GALNT10: variants seen among roughly 807,000 people sequenced by gnomAD.
GALNT10 encodes polypeptide N-acetylgalactosaminyltransferase 10.
A neutral mutation model predicts 75.0 loss-of-function variants in GALNT10; 41 were observed. That is an observed-to-expected ratio of 0.55 (90% CI 0.43 to 0.71). The LOEUF (loss-of-function observed/expected upper bound fraction) is 0.71, where lower values mean the gene tolerates loss of function less well. Ranked by LOEUF, GALNT10 falls within the 30% of genes least tolerant of loss-of-function variation. GALNT10 has a pLI of 0.00. For synonymous variants in GALNT10, 302 were observed against 313.0 expected (o/e 0.96, Z 0.37); for missense variants, 727 against 818.5 (o/e 0.89, Z 1.36).
chr5:154,329,999 A>C, intron 4 of GALNT10: 1 of 319,494 alleles, frequency 3.1e-6, no homozygotes, highest in Non-Finnish European at 5.8e-6. Flanking sequence ...ATAAACAATA[A>C]CTCAAACAAG....
At chr5:154,201,924 GT>G (rs966290415) in intron 1 of GALNT10, among the ~76,000 whole-genome samples, 1 of 137,520 alleles carries the variant, frequency 7.3e-6, no homozygotes, top group African/African-American at 2.9e-5. Context: ...GCAAGATTCC[GT>G]CTCGAGGAAA....
Position 154,330,963 on chromosome 5 carries a change from C to G in GALNT10, c.568+1225C>G, listed in dbSNP as rs530348062. Among the ~76,000 whole-genome samples the G allele has an allele frequency of 8.7e-4, 121 of 138,318 alleles. 1 individual carries two copies. Among genetic ancestry groups the G allele is most frequent in the African/African-American group, 3.3e-3 (116 of 35,686 alleles). 90.7% of individuals were successfully genotyped at this position (138,318 alleles called of 152,430 possible). On this transcript the variant is annotated intron_variant, in intron 4 of 11. Transcript: ENST00000297107. ...TTTGTGTGTGTGTAGACATTTAACTCAGTTCTTACCCGGTCTATAAAGTCT... is the reference window on the plus strand; with the variant it reads ...TTTGTGTGTGTGTAGACATTTAACTGAGTTCTTACCCGGTCTATAAAGTCT...
intron 3 of GALNT10, among the ~76,000 whole-genome samples, chr5:154,323,537 G>A (rs573482120): frequency 9.2e-5 from 14 of 152,292 alleles, no homozygotes; most frequent in African/African-American, 3.1e-4. Context: ...CTGTGAGGAG[G>A]CAACCTTCAA....
intron 3 of GALNT10, among the ~76,000 whole-genome samples, chr5:154,307,685 C>G (rs1561656664): frequency 6.6e-6 from 1 of 150,994 alleles, no homozygotes; most frequent in African/African-American, 2.4e-5. Flanking sequence ...GGACGGGGTA[C>G]TTTCCAACTC....
chr5:154,303,884 A>G (rs1197374261), intron 3 of GALNT10, among the ~76,000 whole-genome samples: 1 of 152,116 alleles, frequency 6.6e-6, no homozygotes, highest in Admixed American at 6.5e-5. Context: ...CAATCAACCA[A>G]CCCAGGGTAG....
At chr5:154,356,217 T>G (rs1755287920) in intron 4 of GALNT10, 2 of 456,316 alleles carry the variant, frequency 4.4e-6, no homozygotes, top group Non-Finnish European at 8.8e-6. Flanking sequence ...TACGCAGCTC[T>G]GGGATGATGC....
At chr5:154,297,677 TC>T (rs1158401743) in intron 2 of GALNT10, among the ~76,000 whole-genome samples, 1 of 152,132 alleles carries the variant, frequency 6.6e-6, no homozygotes, top group Non-Finnish European at 1.5e-5. Context: ...CCTTTCTCAG[TC>T]TCAGATTATC....
chr5:154,287,991 A>T (rs1754138608), intron 1 of GALNT10, among the ~76,000 whole-genome samples: 2 of 151,686 alleles, frequency 1.3e-5, no homozygotes, highest in African/African-American at 4.8e-5. Flanking sequence ...TTATTAATCT[A>T]CTTGGTAGAT....
chr5:154,329,412 T>C (rs923182150), intron 3 of GALNT10, 160 bp from the exon 4 acceptor site: 2 of 617,838 alleles, frequency 3.2e-6, no homozygotes, highest in South Asian at 1.9e-5. Context: ...TGGGATGTCA[T>C]GTAGAAGTTC....
Position 154,412,309 on chromosome 5 carries a change from A to C in GALNT10, c.1387-580A>C, listed in dbSNP as rs755857091. On this transcript the variant is annotated intron_variant, in intron 9 of 11. Transcript: ENST00000297107. This position sits in a 1 kb window ranked among gnomAD's most constrained non-coding sequence, Gnocchi z 4.2. ...AAGCAAGTGAGCAGCCTAGGGCTTC[A>C]GACTCCTAGCCCAGTGCTCTTCCCA... Among the ~76,000 whole-genome samples, 6 of 152,216 alleles carry C rather than the reference A, an allele frequency of 3.9e-5. No individual in the cohort carries two copies. Among genetic ancestry groups the C allele is most frequent in the Non-Finnish European group, 8.8e-5 (6 of 68,022 alleles).
intron 1 of GALNT10, among the ~76,000 whole-genome samples, chr5:154,231,892 G>A (rs1753156082): frequency 6.6e-6 from 1 of 152,176 alleles, no homozygotes; most frequent in South Asian, 2.1e-4. Flanking sequence ...GGGCCCATCA[G>A]CTTTTCTGCA....
chr5:154,357,073 AT>A (rs202227033), intron 4 of GALNT10, among the ~76,000 whole-genome samples: 2 of 151,902 alleles, frequency 1.3e-5, no homozygotes, highest in African/African-American at 4.8e-5. Context: ...GAGGCCACAG[AT>A]TTTTTTTGCT....
chr5:154,293,080 A>G (rs569042395), intron 1 of GALNT10, among the ~76,000 whole-genome samples: 14 of 152,314 alleles, frequency 9.2e-5, no homozygotes, highest in African/African-American at 2.6e-4. Context: ...AAGGATTGTT[A>G]TTATTACTAG....
chr5:154,228,227 A>T (rs1337938835), intron 1 of GALNT10, among the ~76,000 whole-genome samples: 2 of 152,214 alleles, frequency 1.3e-5, no homozygotes, highest in African/African-American at 4.8e-5. Flanking sequence ...GTATGTCTTT[A>T]TAGCAATGCA....
At chr5:154,322,995 A>G (rs1754697585) in intron 3 of GALNT10, among the ~76,000 whole-genome samples, 1 of 152,188 alleles carries the variant, frequency 6.6e-6, no homozygotes, top group African/African-American at 2.4e-5. Flanking sequence ...TTCCCTCATC[A>G]TGGAGCTTAC....
At chr5:154,233,618 C>G (rs1322394473) in intron 1 of GALNT10, among the ~76,000 whole-genome samples, 1 of 152,128 alleles carries the variant, frequency 6.6e-6, no homozygotes, top group African/African-American at 2.4e-5. Context: ...CAGAGCACCC[C>G]CCACCAGCCG....
At chr5:154,333,395 C>T (rs1195038834) in intron 4 of GALNT10, among the ~76,000 whole-genome samples, 1 of 152,154 alleles carries the variant, frequency 6.6e-6, no homozygotes, top group African/African-American at 2.4e-5. Context: ...TTTCTATTTC[C>T]AAGGGCACTT....
rs140575077 is a variant in GALNT10 at position 154,404,032 on chromosome 5, G to C, written c.1057-72G>C. The C allele has an allele frequency of 3.4e-5, 40 of 1,178,814 alleles. No individual in the cohort carries two copies. In the African/African-American group the frequency reaches 5.7e-4, roughly 17 times the overall value. 73.0% of individuals were successfully genotyped at this position (1,178,814 alleles called of 1,614,324 possible). On this transcript the variant is annotated intron_variant, in intron 7 of 11. Coordinates refer to ENST00000297107, the MANE Select transcript of GALNT10 (RefSeq NM_198321.4). ...CTGATGCTTTTGCTGAGTGCACTAA[G>C]GGATGCTGGCCTGGCGGGATGGTGA... is the stretch of plus-strand genomic sequence containing the variant.
At chr5:154,320,730 G>C (rs1293813890) in intron 3 of GALNT10, among the ~76,000 whole-genome samples, 3 of 152,206 alleles carry the variant, frequency 2.0e-5, no homozygotes, top group Non-Finnish European at 4.4e-5. Flanking sequence ...AAAGGGCAGA[G>C]GAAGGCTGTG....
Sources: allele counts gnomAD v4.1 joint callset (sites outside exome capture counted in the v4.1 genomes callset), GRCh38; gene constraint gnomAD v4.1.1; non-coding constraint Gnocchi (gnomAD v3.1); transcripts MANE v1.5; gene names NCBI Gene and HGNC (gene_info 2026-07-23, HGNC 2026-07-21).